Variants in PLXND1 observed in about 807,000 individuals in gnomAD.
PLXND1 encodes plexin D1.
Under a neutral mutation model 197.7 loss-of-function variants are expected in PLXND1, and 54 were observed. That is an observed-to-expected ratio of 0.27 (90% CI 0.22 to 0.34). PLXND1 has a LOEUF of 0.34. Among genes scored for constraint, PLXND1 ranks in the 10% least tolerant of loss-of-function variants. The pLI is 1.00. For missense variants in PLXND1, 2,127 were observed against 2,699.2 expected (o/e 0.79, Z 4.70); for synonymous variants, 1,180 against 1,161.2 (o/e 1.02, Z -0.33).
chr3:129,594,815 CTT>C (rs1185285765), intron 1 of PLXND1, among the ~76,000 whole-genome samples: 1 of 151,790 alleles, frequency 6.6e-6, no homozygotes, highest in African/African-American at 2.4e-5. Context: ...TCTGTACTAT[CTT>C]TGTAACTTTC....
Position 129,574,373 on chromosome 3 carries a change from G to C in PLXND1, c.2648C>G (p.Pro883Arg). ...DGCRLRGPLQ[P>R]MAGTCPAPEI... ...GGGGGCGGGGCAGGTGCCAGCCATGGGCTGCAGAGGCCCCCGCAGGCGGCA... is the reference window on the plus strand; with the variant it reads ...GGGGGCGGGGCAGGTGCCAGCCATGCGCTGCAGAGGCCCCCGCAGGCGGCA... The change falls in exon 12 of 36, where the codon CCC (proline) becomes CGC (arginine). Residue 883 changes from proline to arginine, a missense_variant. Around this residue, in one of 6 missense-constraint regions of PLXND1, gnomAD observed 1,095 missense variants for 1,259.8 expected, o/e 0.87. Transcript: ENST00000324093. The C allele has an allele frequency of 6.2e-7, 1 of 1,610,536 alleles. No homozygotes were observed. The highest frequency in any genetic ancestry group is 8.5e-7 in the Non-Finnish European group (1 of 1,178,988).
At chr3:129,581,040 G>A (rs929219778) in intron 8 of PLXND1, among the ~76,000 whole-genome samples, 2 of 152,004 alleles carry the variant, frequency 1.3e-5, no homozygotes, top group African/African-American at 2.4e-5. Flanking sequence ...CCTCCACTTT[G>A]CACATCTTTC....
chr3:129,564,575 C>T (rs2085111096), intron 25 of PLXND1, among the ~76,000 whole-genome samples: 1 of 152,252 alleles, frequency 6.6e-6, no homozygotes, highest in African/African-American at 2.4e-5. Context: ...CCAGGCAGCC[C>T]TCTAGCCTCT....
In PLXND1 at chr3:129,605,965, G is replaced by C. The variant is rs778962698; in HGVS notation, c.675C>G (p.Arg225=). Residue 225 remains arginine (R), a synonymous_variant, in exon 1 of 36, where the codon CGC becomes CGG. Transcript: ENST00000324093. The stretch of plus-strand genomic sequence containing the variant: ...TCTCGAAGCGGTGGTCCTCCAGGCT[G>C]CGGTTGCGCGGGAAGAAGGAGCTGC... ...GYGSSFFPRN[R]SLEDHRFENT... The C allele has an allele frequency of 3.6e-5, 58 of 1,612,098 alleles. No individual in the cohort carries two copies. The highest frequency in any genetic ancestry group is 6.7e-5 in the Admixed American group (4 of 60,002).
intron 2 of PLXND1, among the ~76,000 whole-genome samples, chr3:129,587,498 T>G (rs7630689): frequency 6.6e-6 from 1 of 152,140 alleles, no homozygotes; most frequent in South Asian, 2.1e-4. Context: ...CTCTGCTCTT[T>G]TTTGCCTGGC....
chr3:129,563,861 T>C (rs1307229523), intron 25 of PLXND1, among the ~76,000 whole-genome samples: 1 of 152,252 alleles, frequency 6.6e-6, no homozygotes, highest in Non-Finnish European at 1.5e-5. Flanking sequence ...TACTTAACTA[T>C]CCACAAAAAT....
At chr3:129,578,249 G>T in intron 9 of PLXND1, 80 bp downstream of exon 9, 1 of 847,128 alleles carries the variant, frequency 1.2e-6, no homozygotes. Flanking sequence ...GGTCACACCA[G>T]GACATGGGGG....
At chr3:129,594,893 A>T (rs1003405314) in intron 1 of PLXND1, among the ~76,000 whole-genome samples, 1 of 150,852 alleles carries the variant, frequency 6.6e-6, no homozygotes, top group Non-Finnish European at 1.5e-5. Flanking sequence ...CCCGCAAAGC[A>T]GGTCACATCT....
At chr3:129,565,638 G>A in intron 24 of PLXND1, 100 bp from the exon 25 acceptor site, 2 of 1,110,886 alleles carry the variant, frequency 1.8e-6, no homozygotes, top group Non-Finnish European at 2.6e-6. Flanking sequence ...TCGATCCCAG[G>A]AGTGCCTGTG....
At chr3:129,568,561 T>C (rs2085176607) in intron 20 of PLXND1, among the ~76,000 whole-genome samples, 1 of 152,210 alleles carries the variant, frequency 6.6e-6, no homozygotes, top group East Asian at 1.9e-4. Flanking sequence ...TCTTTCTTTT[T>C]TTCTTTTGAG....
chr3:129,593,709 G>T (rs576718034), intron 1 of PLXND1, among the ~76,000 whole-genome samples: 1 of 152,358 alleles, frequency 6.6e-6, no homozygotes, highest in African/African-American at 2.4e-5. Flanking sequence ...GGGTGCTGGA[G>T]AACTGAGGGA....
chr3:129,589,307 G>GCCGGGCCCCCCCCCCCCCCCCCCCCCC, intron 2 of PLXND1, 44 bp downstream of exon 2: 4 of 684,690 alleles, frequency 5.8e-6, no homozygotes, highest in Non-Finnish European at 1.0e-5. Flanking sequence ...TCCCAGGGGA[G>GCCGGGCCCCCCCCCCCCCCCCCCCCCC]CCTCCCACCC....
chr3:129,573,554 A>C, intron 13 of PLXND1, 40 bp downstream of exon 13: 1 of 1,572,668 alleles, frequency 6.4e-7, no homozygotes. Flanking sequence ...AGAGGCTGGC[A>C]CTGCTGGAGA....
rs1172414597 is a variant in PLXND1, at chr3:129,557,540, G to A, written c.5446-317C>T. The stretch of plus-strand genomic sequence containing the variant: ...CTTCACTGCACGCAGCCCATTCCAC[G>A]TAACAAGGATGTGTCCTTCTCAGGG... On this transcript the variant is annotated intron_variant, in intron 33 of 35. Transcript: ENST00000324093. The surrounding 1 kb of genome is among the most constrained non-coding windows in gnomAD (Gnocchi z 4.8). Among the ~76,000 whole-genome samples the A allele has an allele frequency of 2.0e-5, 3 of 152,112 alleles. No individual in the cohort carries two copies. Among genetic ancestry groups the A allele is most frequent in the Admixed American group, 2.0e-4 (3 of 15,282 alleles).
rs770931553 is a variant in PLXND1 at position 129,574,371 on chromosome 3, T to G, written c.2650A>C (p.Met884Leu). The change falls in exon 12 of 36, where the codon ATG becomes CTG. Residue 884 changes from methionine (M) to leucine (L), a missense_variant. Met to Leu is a conservative substitution (Grantham distance 15). Transcript: ENST00000324093. Reference sequence around the variant, plus strand: ...TCGGGGGCGGGGCAGGTGCCAGCCATGGGCTGCAGAGGCCCCCGCAGGCGG... The same window carrying G: ...TCGGGGGCGGGGCAGGTGCCAGCCAGGGGCTGCAGAGGCCCCCGCAGGCGG... ...GCRLRGPLQPMAGTCPAPEIH... is the reference protein window; with the variant it reads ...GCRLRGPLQPLAGTCPAPEIH... 1.2e-6 allele frequency: 2 copies of G among 1,610,114 alleles called. No individual in the cohort carries two copies. Among genetic ancestry groups the G allele is most frequent in the East Asian group, 4.5e-5 (2 of 44,780 alleles).
At chr3:129,589,307 G>GCCGGGGGGCCCCCCCCC in intron 2 of PLXND1, 44 bp downstream of exon 2, 1 of 684,690 alleles carries the variant, frequency 1.5e-6, no homozygotes, top group Non-Finnish European at 2.6e-6. Flanking sequence ...TCCCAGGGGA[G>GCCGGGGGGCCCCCCCCC]CCTCCCACCC....
At chr3:129,588,732 G>A (rs1281635680) in intron 2 of PLXND1, among the ~76,000 whole-genome samples, 1 of 152,252 alleles carries the variant, frequency 6.6e-6, no homozygotes, top group Non-Finnish European at 1.5e-5. Context: ...GCAGGTCCAG[G>A]GCTGCACCTG....
chr3:129,597,059 G>A (rs1387761388), intron 1 of PLXND1, among the ~76,000 whole-genome samples: 2 of 152,256 alleles, frequency 1.3e-5, no homozygotes, highest in Non-Finnish European at 2.9e-5. Context: ...TTTGTGCTGA[G>A]ACCTCTTTCT....
intron 1 of PLXND1, 124 bp downstream of exon 1, chr3:129,605,205 A>C: frequency 2.2e-6 from 1 of 447,884 alleles, no homozygotes; most frequent in Admixed American, 4.8e-5. Context: ...TTCCACGTAC[A>C]TCTGGATCTC....
Sources: allele counts gnomAD v4.1 joint callset (sites outside exome capture counted in the v4.1 genomes callset), GRCh38; gene constraint gnomAD v4.1.1; regional missense constraint gnomAD v4.1.1; non-coding constraint Gnocchi (gnomAD v3.1); transcripts MANE v1.5; gene names NCBI Gene and HGNC (gene_info 2026-07-23, HGNC 2026-07-21).